The following SPTAN1 variants were observed in gnomAD, a reference collection of about 807,000 sequenced individuals.
SPTAN1 encodes the protein spectrin alpha chain, non-erythrocytic 1.
Under a neutral mutation model 331.3 loss-of-function variants are expected in SPTAN1, and 61 were observed. That is an observed-to-expected ratio of 0.18 (90% confidence interval 0.15 to 0.23). SPTAN1 has a LOEUF of 0.23. Among genes scored for constraint, SPTAN1 ranks in the 10% least tolerant of loss-of-function variants. The pLI, the probability that SPTAN1 is intolerant of heterozygous loss-of-function variation, is 1.00. For synonymous variants in SPTAN1, 1,153 were observed against 1,173.9 expected, an observed-to-expected ratio of 0.98 and a Z score of 0.36; for missense variants, 2,043 against 3,147.9, an observed-to-expected ratio of 0.65 and a Z score of 8.40.
chr9:128,617,744 A>C lies in SPTAN1; in HGVS notation c.5462A>C (p.His1821Pro), dbSNP rs1170596598. ...CGGCTGGAAGCAGAACTGGCTGCGC[A>C]TGAGCCGGCTATTCAGGTAAGGAGG... ...HKRLEAELAA[H>P]EPAIQGVLDT... The change falls in exon 42 of 57, where the codon CAT becomes CCT. Residue 1821 changes from histidine to proline, a missense_variant. Around this residue, in one of 12 missense-constraint regions of SPTAN1, gnomAD observed 323 missense variants for 581.1 expected, o/e 0.56. Coordinates refer to ENST00000372739, the MANE Select transcript of SPTAN1 (RefSeq NM_001130438.3). The C allele has an allele frequency of 1.9e-6, 3 of 1,614,012 alleles. No homozygotes were observed. Among genetic ancestry groups the C allele is most frequent in the Non-Finnish European group, 8.5e-7 (1 of 1,180,036 alleles).
intron 45 of SPTAN1, among the ~76,000 whole-genome samples, chr9:128,623,257 A>ATGG (rs1423257294): frequency 1.4e-5 from 2 of 147,112 alleles, no homozygotes; most frequent in African/African-American, 5.1e-5. Flanking sequence ...TTTTTAAGAG[A>ATGG]TGGGGTCTCA....
intron 2 of SPTAN1, among the ~76,000 whole-genome samples, chr9:128,567,687 G>A (rs1173219479): frequency 2.6e-5 from 4 of 152,220 alleles, no homozygotes; most frequent in African/African-American, 9.7e-5. Context: ...TTAAAGTTAT[G>A]AGTCCCTTTC....
chr9:128,607,853 A>G lies in SPTAN1; in HGVS notation c.4148A>G (p.Glu1383Gly), dbSNP rs1019310261. The G allele has an allele frequency of 6.2e-7, 1 of 1,613,888 alleles. No individual in the cohort carries two copies. Among genetic ancestry groups the G allele is most frequent in the Non-Finnish European group, 8.5e-7 (1 of 1,180,018 alleles). Residue 1383 changes from glutamate (E) to glycine (G), a missense_variant and splice_region_variant, in exon 33 of 57, where the codon GAA becomes GGA. By Grantham distance (98) the Glu-to-Gly change is moderately conservative. Transcript: ENST00000372739. ...TAATCCCTTCCCTCCTTTTGGCAGG[A>G]ACACCGGACAGAAATCGATGCCAGG... The part of the protein sequence containing the change: ...GAEALLERHQ[E>G]HRTEIDARAG...
intron 9 of SPTAN1, among the ~76,000 whole-genome samples, chr9:128,578,840 A>T (rs1851618066): frequency 6.6e-6 from 1 of 151,906 alleles, no homozygotes; most frequent in African/African-American, 2.4e-5. Flanking sequence ...TCAAAGAAAA[A>T]AAAAAAAAAA....
intron 56 of SPTAN1, 103 bp from the exon 57 acceptor site, chr9:128,633,106 T>C (rs1564333141): frequency 1.2e-6 from 2 of 1,600,070 alleles, no homozygotes; most frequent in Non-Finnish European, 8.5e-7. Context: ...CCGGATCTGC[T>C]TGTAGAAGCA....
intron 27 of SPTAN1, among the ~76,000 whole-genome samples, chr9:128,600,974 CTTTTTTTT>C (rs60290370): frequency 0.034 from 1,382 of 40,862 alleles, 36 homozygotes; most frequent in East Asian, 0.051. Context: ...GGGAGAAAGT[CTTTTTTTT>C]TTTTTTTTTT....
At chr9:128,598,546 G>C in intron 25 of SPTAN1, 42 bp downstream of exon 25, 1 of 1,449,842 alleles carries the variant, frequency 6.9e-7, no homozygotes, top group Non-Finnish European at 9.6e-7. Flanking sequence ...TTGCTGTAAG[G>C]ATGCAGCTTT....
At chr9:128,566,008 A>C (rs1413081765) in intron 1 of SPTAN1, among the ~76,000 whole-genome samples, 1 of 152,140 alleles carries the variant, frequency 6.6e-6, no homozygotes, top group Non-Finnish European at 1.5e-5. Flanking sequence ...TTTTGGCGTT[A>C]ATCTGTATCT....
rs192948837 is a variant in SPTAN1, at chr9:128,594,849, A to G, written c.3414+476A>G. On this transcript the variant is annotated intron_variant, in intron 24 of 56. Transcript: ENST00000372739. ...CAATTTTTTTTTTTTTCCTTTTGAGACAGAGTCTCTCTTTTGTCGCCCAGG... is the reference window on the plus strand; with the variant it reads ...CAATTTTTTTTTTTTTCCTTTTGAGGCAGAGTCTCTCTTTTGTCGCCCAGG... Among the ~76,000 whole-genome samples, 3 of 111,706 alleles carry G rather than the reference A, an allele frequency of 2.7e-5. No homozygotes were observed. In the East Asian group the frequency reaches 7.6e-4, roughly 28 times the overall value. The allele number at this position is 111,706 out of a possible 152,430, so 73.3% of individuals were successfully genotyped here.
intron 26 of SPTAN1, 33 bp downstream of exon 26, chr9:128,599,019 C>A: frequency 1.2e-6 from 2 of 1,607,460 alleles, no homozygotes; most frequent in South Asian, 1.1e-5. Context: ...GGATCTTGAA[C>A]ATGAGAAGGA....
At chr9:128,617,510 T>G in intron 41 of SPTAN1, 130 bp from the exon 42 acceptor site, 1 of 1,387,496 alleles carries the variant, frequency 7.2e-7, no homozygotes. Context: ...CTTTTGTTGT[T>G]CAGAAAACTG....
Position 128,595,545 on chromosome 9 carries a change from C to CT in SPTAN1, c.3414+1182dup, listed in dbSNP as rs903289748. On this transcript the variant is annotated intron_variant, in intron 24 of 56. Coordinates refer to ENST00000372739, the MANE Select transcript of SPTAN1 (RefSeq NM_001130438.3). The stretch of plus-strand genomic sequence containing the variant: ...AAACTACAATAGATGTGAAAGTACT[C>CT]TTTTTTTTTTAATTGGGGTAAATTC... 3.0e-3 allele frequency among the ~76,000 whole-genome samples: 451 copies of CT among 149,710 alleles called. 2 individuals are homozygous for CT. The highest frequency in any genetic ancestry group is 0.011 in the African/African-American group (431 of 40,898).
At chr9:128,608,642 C>T (rs1358277239) in intron 34 of SPTAN1, among the ~76,000 whole-genome samples, 1 of 152,190 alleles carries the variant, frequency 6.6e-6, no homozygotes, top group African/African-American at 2.4e-5. Context: ...CTAACACCTG[C>T]CCCACCTGAG....
At chr9:128,616,263 G>C (rs1231418097) in intron 41 of SPTAN1, among the ~76,000 whole-genome samples, 1 of 151,624 alleles carries the variant, frequency 6.6e-6, no homozygotes, top group Non-Finnish European at 1.5e-5. Context: ...CACCAGGCTA[G>C]AATGCCACCA....
At chr9:128,623,257 A>G (rs1387509996) in intron 45 of SPTAN1, among the ~76,000 whole-genome samples, 1 of 147,112 alleles carries the variant, frequency 6.8e-6, no homozygotes, top group Admixed American at 6.8e-5. Flanking sequence ...TTTTTAAGAG[A>G]TGGGGTCTCA....
At chr9:128,603,985 G>T (rs958199295) in intron 28 of SPTAN1, among the ~76,000 whole-genome samples, 2 of 152,200 alleles carry the variant, frequency 1.3e-5, no homozygotes, top group African/African-American at 4.8e-5. Flanking sequence ...CAGCAGACTC[G>T]CTGGGATTTC....
rs1859968782 is a variant in SPTAN1, at chr9:128,632,695, C to T, written c.7137C>T (p.Ile2379=). The T allele has an allele frequency of 1.2e-6, 2 of 1,614,044 alleles. No individual in the cohort carries two copies. Among genetic ancestry groups the T allele is most frequent in the African/African-American group, 1.3e-5 (1 of 75,054 alleles). The change falls in exon 55 of 57, where the codon ATC becomes ATT. Residue 2379 remains isoleucine (I), a synonymous_variant. Transcript: ENST00000372739. ...EGEPDPEFEA[I]LDTVDPNRDG... is the part of the protein sequence containing the mutation. ...AACCTGACCCTGAGTTCGAGGCAAT[C>T]CTGGACACGGTGGATCCGAACAGGT...
intron 41 of SPTAN1, 109 bp from the exon 42 acceptor site, chr9:128,617,531 T>C: frequency 6.5e-7 from 1 of 1,548,918 alleles, no homozygotes; most frequent in South Asian, 1.1e-5. Context: ...GCAAGGATTT[T>C]CCCAGAAAGA....
rs945830 is a variant in SPTAN1 at position 128,599,633 on chromosome 9, C to T, written c.3544-447C>T. On this transcript the variant is annotated intron_variant, in intron 26 of 56. Coordinates refer to ENST00000372739, the MANE Select transcript of SPTAN1 (RefSeq NM_001130438.3). Reference sequence around the variant, plus strand: ...TCTTGGCCTCAAGCAATCCTCCCACCTCAGCCTCCCAGGTATCTAGGACAA... The same window carrying T: ...TCTTGGCCTCAAGCAATCCTCCCACTTCAGCCTCCCAGGTATCTAGGACAA... 772 of 184,522 alleles carry T rather than the reference C, an allele frequency of 4.2e-3. 4 individuals carry two copies. The highest frequency in any genetic ancestry group is 0.018 in the African/African-American group (718 of 40,558). The allele number at this position is 184,522 out of a possible 1,614,324, so 11.4% of individuals were successfully genotyped here. A position where few individuals can be genotyped will look rare whatever the true frequency, so the allele number is the denominator to read the frequency against.
Sources: gnomAD v4.1 joint callset for allele counts (sites outside exome capture counted in the v4.1 genomes callset) on GRCh38, gnomAD v4.1.1 for gene constraint, gnomAD v4.1.1 regional missense constraint, MANE v1.5 for transcripts, NCBI Gene and HGNC (gene_info 2026-07-23, HGNC 2026-07-21) for gene names.